The following NTM variants were observed in gnomAD, a reference collection of about 807,000 sequenced individuals.
NTM encodes the protein IgLON family member 2.
In NTM, 13 loss-of-function variants were observed where a neutral mutation model predicts 42.1. The observed-to-expected ratio is 0.31, with a 90% CI of 0.20 to 0.49. NTM has a LOEUF of 0.49. Ranked by LOEUF, NTM falls within the 20% of genes least tolerant of loss-of-function variation. The pLI is 0.99. For synonymous variants in NTM, 187 were observed against 179.2 expected (o/e 1.04, Z -0.35); for missense variants, 373 against 452.8 (o/e 0.82, Z 1.60).
intron 4 of NTM, among the ~76,000 whole-genome samples, chr11:132,226,262 T>C (rs2138952966): frequency 6.6e-6 from 1 of 152,326 alleles, no homozygotes; most frequent in East Asian, 1.9e-4. Context: ...GTATTTCTGG[T>C]TCTAGATCCT....
chr11:131,939,142 A>G (rs78157136), intron 2 of NTM, among the ~76,000 whole-genome samples: 1,700 of 152,192 alleles, frequency 0.011, 36 homozygotes, highest in African/African-American at 0.039. Flanking sequence ...TAGAGAGGAG[A>G]ATGGCGGATC....
At chr11:131,394,534 C>T (rs1483246302) in intron 1 of NTM, among the ~76,000 whole-genome samples, 2 of 152,162 alleles carry the variant, frequency 1.3e-5, no homozygotes, top group Non-Finnish European at 2.9e-5. Context: ...GACTTTGGAG[C>T]CATGCCTTCA....
At chr11:132,018,216 C>G (rs2073756430) in intron 2 of NTM, among the ~76,000 whole-genome samples, 2 of 151,772 alleles carry the variant, frequency 1.3e-5, no homozygotes. Context: ...CTCCTTCTCT[C>G]TTTCTTCCTT....
At chr11:131,782,194 G>C (rs2088277333) in intron 1 of NTM, among the ~76,000 whole-genome samples, 1 of 152,036 alleles carries the variant, frequency 6.6e-6, no homozygotes, top group African/African-American at 2.4e-5. Flanking sequence ...GTGAAACAGA[G>C]ATGAAAGAAA....
At chr11:131,493,672 G>A (rs190700129) in intron 1 of NTM, among the ~76,000 whole-genome samples, 40 of 152,316 alleles carry the variant, frequency 2.6e-4, no homozygotes, top group Admixed American at 2.2e-3. Flanking sequence ...TTTCACAGAT[G>A]GGGCAGTGAA....
At chr11:132,142,194 C>T (rs1481549156) in intron 2 of NTM, among the ~76,000 whole-genome samples, 1 of 152,192 alleles carries the variant, frequency 6.6e-6, no homozygotes, top group African/African-American at 2.4e-5. Context: ...TCTCCCACCT[C>T]TTGTTGGCCT....
intron 1 of NTM, among the ~76,000 whole-genome samples, chr11:131,568,124 G>C (rs1458563077): frequency 6.6e-6 from 1 of 152,184 alleles, no homozygotes. Context: ...CAGTGGTAAG[G>C]AAAGTAAGTT....
chr11:132,245,538 A>G (rs2090990549), intron 4 of NTM, among the ~76,000 whole-genome samples: 1 of 152,126 alleles, frequency 6.6e-6, no homozygotes, highest in East Asian at 1.9e-4. Context: ...ACATCAATTA[A>G]GCGCTGAGGA....
At chr11:131,415,365 G>T (rs972962112) in intron 1 of NTM, among the ~76,000 whole-genome samples, 2 of 152,162 alleles carry the variant, frequency 1.3e-5, no homozygotes, top group African/African-American at 2.4e-5. Context: ...CCCTGGCTGT[G>T]GTGAGCACAC....
intron 2 of NTM, among the ~76,000 whole-genome samples, chr11:131,974,279 G>C (rs1412525862): frequency 6.6e-6 from 1 of 152,164 alleles, no homozygotes; most frequent in African/African-American, 2.4e-5. Context: ...AGGAACATCT[G>C]TGTTCAAATG....
rs111991707 is a variant in NTM, at chr11:131,442,623, C to A, written c.82+71735C>A. On this transcript the variant is annotated intron_variant, in intron 1 of 8. Transcript: ENST00000683400. ...GTCTCTATTAGTTCTGTCTTTATGT[C>A]CATGTGTACCCATTGCTTAGCTCCC... Among the ~76,000 whole-genome samples, 980 of 152,186 alleles carry A rather than the reference C, an allele frequency of 6.4e-3. 5 individuals carry two copies. Among genetic ancestry groups the A allele is most frequent in the African/African-American group, 0.021 (865 of 41,516 alleles).
At position 131,741,354 on chromosome 11, in the gene NTM, C is replaced by A. The variant is rs145826102; in HGVS notation, c.83-170210C>A. The stretch of plus-strand genomic sequence containing the variant: ...TTCTGTACCACTTGTGGGAGTGGAG[C>A]CTTCATCACTGGGGGTCTGAGTGCC... On this transcript the variant is annotated intron_variant, in intron 1 of 8. Coordinates refer to ENST00000683400, the MANE Select transcript of NTM (RefSeq NM_001352005.2). Among the ~76,000 whole-genome samples, 573 of 152,238 alleles carry A rather than the reference C, an allele frequency of 3.8e-3. 1 individual carries two copies. Among genetic ancestry groups the A allele is most frequent in the Non-Finnish European group, 5.4e-3 (369 of 68,022 alleles).
intron 1 of NTM, among the ~76,000 whole-genome samples, chr11:131,850,697 G>C (rs1282795126): frequency 2.0e-5 from 3 of 152,198 alleles, no homozygotes; most frequent in African/African-American, 4.8e-5. Context: ...TGTTCAAAGG[G>C]AGGTGACGAC....
chr11:131,910,362 C>A (rs1347522285), intron 1 of NTM, among the ~76,000 whole-genome samples: 1 of 152,148 alleles, frequency 6.6e-6, no homozygotes, highest in Non-Finnish European at 1.5e-5. Flanking sequence ...GTAACTTTGT[C>A]TTTTTTCCTA....
At chr11:131,917,916 T>C (rs1313513229) in intron 2 of NTM, among the ~76,000 whole-genome samples, 1 of 152,122 alleles carries the variant, frequency 6.6e-6, no homozygotes, top group African/African-American at 2.4e-5. Flanking sequence ...CAACCAAACA[T>C]AGGGCAGAAG....
At chr11:131,810,659 T>C (rs1200440413) in intron 1 of NTM, among the ~76,000 whole-genome samples, 2 of 152,206 alleles carry the variant, frequency 1.3e-5, no homozygotes, top group Non-Finnish European at 2.9e-5. Flanking sequence ...TATTCCGACA[T>C]GTGAACATGA....
chr11:132,208,048 G>A (rs1450646983), intron 3 of NTM, among the ~76,000 whole-genome samples: 1 of 152,220 alleles, frequency 6.6e-6, no homozygotes, highest in Non-Finnish European at 1.5e-5. Context: ...GAATATTGAA[G>A]AAGGAGTGAA....
chr11:132,223,005 G>T (rs539649191), intron 4 of NTM, among the ~76,000 whole-genome samples: 1 of 152,294 alleles, frequency 6.6e-6, no homozygotes, highest in Admixed American at 6.5e-5. Flanking sequence ...GATAGAAAAA[G>T]ACAAATGGCT....
chr11:131,910,810 G>C (rs141880678), intron 1 of NTM: 2 of 984,024 alleles, frequency 2.0e-6, no homozygotes, highest in African/African-American at 3.5e-5. Context: ...GAGCCCCGCC[G>C]GACAGCGGCG....
Sources: gnomAD v4.1 joint callset for allele counts (sites outside exome capture counted in the v4.1 genomes callset) on GRCh38, gnomAD v4.1.1 for gene constraint, MANE v1.5 for transcripts, NCBI Gene and HGNC (gene_info 2026-07-23, HGNC 2026-07-21) for gene names.